The following CDH12 variants were observed in gnomAD, a reference collection of about 807,000 sequenced individuals.
CDH12 encodes cadherin-12.
In CDH12, 41 loss-of-function variants were observed where a neutral mutation model predicts 74.1. The observed-to-expected ratio is 0.55, with a 90% CI of 0.43 to 0.72. The LOEUF (loss-of-function observed/expected upper bound fraction) is 0.72. Among genes scored for constraint, CDH12 ranks in the 30% least tolerant of loss-of-function variants. The probability of loss-of-function intolerance (pLI) is 0.00; values close to 1 mark genes in which losing one functional copy is unlikely to be tolerated. For synonymous variants in CDH12, 399 were observed against 355.0 expected (o/e 1.12, Z -1.39); for missense variants, 945 against 977.2 (o/e 0.97, Z 0.44).
At chr5:22,500,974 C>T (rs1747307900) in intron 2 of CDH12, among the ~76,000 whole-genome samples, 1 of 151,482 alleles carries the variant, frequency 6.6e-6, no homozygotes, top group Non-Finnish European at 1.5e-5. Context: ...TGCTTCTGTA[C>T]TAAGGGCATT....
At chr5:21,778,817 T>C (rs1745746750) in intron 11 of CDH12, among the ~76,000 whole-genome samples, 1 of 152,150 alleles carries the variant, frequency 6.6e-6, no homozygotes, top group African/African-American at 2.4e-5. Context: ...AAAAAATGCA[T>C]GAATTTATGT....
intron 6 of CDH12, among the ~76,000 whole-genome samples, chr5:21,950,101 G>A (rs1755781737): frequency 6.6e-6 from 1 of 151,582 alleles, no homozygotes; most frequent in Non-Finnish European, 1.5e-5. Context: ...TTTTTTTTAT[G>A]TTTAGATACA....
chr5:22,288,456 C>T (rs1409108761), intron 3 of CDH12, among the ~76,000 whole-genome samples: 1 of 152,096 alleles, frequency 6.6e-6, no homozygotes, highest in African/African-American at 2.4e-5. Flanking sequence ...GTTTATGTTT[C>T]TACATATGTG....
chr5:22,564,925 T>C (rs1739220213), intron 1 of CDH12, among the ~76,000 whole-genome samples: 1 of 152,112 alleles, frequency 6.6e-6, no homozygotes, highest in African/African-American at 2.4e-5. Context: ...ACTGATTACC[T>C]TTTTTTCTTT....
At chr5:22,447,913 G>C (rs560963313) in intron 2 of CDH12, among the ~76,000 whole-genome samples, 1 of 149,120 alleles carries the variant, frequency 6.7e-6, no homozygotes, top group Admixed American at 6.8e-5. Context: ...GGGCCAAAGC[G>C]GGAGTATCAC....
chr5:22,726,563 A>G (rs757662984), intron 1 of CDH12, among the ~76,000 whole-genome samples: 24 of 151,938 alleles, frequency 1.6e-4, no homozygotes, highest in Non-Finnish European at 3.1e-4. Context: ...CTGTGTCATA[A>G]TGTATTTCCT....
chr5:22,486,285 A>G (rs1746591298), intron 2 of CDH12, among the ~76,000 whole-genome samples: 1 of 152,160 alleles, frequency 6.6e-6, no homozygotes, highest in African/African-American at 2.4e-5. Context: ...CCTAGATATA[A>G]AAGTCACCAC....
chr5:22,311,602 T>C (rs1008339784), intron 3 of CDH12, among the ~76,000 whole-genome samples: 5 of 150,430 alleles, frequency 3.3e-5, no homozygotes, highest in African/African-American at 1.2e-4. Flanking sequence ...CTCAGGAGGC[T>C]GAGGGCAGGA....
At chr5:22,775,720 T>A (rs757219586) in intron 1 of CDH12, among the ~76,000 whole-genome samples, 2 of 152,118 alleles carry the variant, frequency 1.3e-5, no homozygotes, top group African/African-American at 2.4e-5. Context: ...ACATGTACTA[T>A]GAATTACATA....
Position 21,975,209 on chromosome 5 carries a change from G to C in CDH12, c.408C>G (p.Thr136=), listed in dbSNP as rs773701288. The C allele has an allele frequency of 1.9e-6, 3 of 1,597,020 alleles. No homozygotes were observed. The East Asian group carries it at 6.7e-5, about 36-fold the overall frequency. The change falls in exon 6 of 15, where the codon ACC becomes ACG. Residue 136 remains threonine (T), a synonymous_variant. Coordinates refer to ENST00000382254, the MANE Select transcript of CDH12 (RefSeq NM_004061.5). ...CTGATTCAGGCTCCAGGGGCTTTCT[G>C]GTTTCTATGTCCACAGCCTGAGCAC... ...TLRAQAVDIE[T]RKPLEPESEF...
intron 1 of CDH12, among the ~76,000 whole-genome samples, chr5:22,749,370 G>A (rs1021469745): frequency 7.2e-5 from 11 of 152,124 alleles, no homozygotes; most frequent in Non-Finnish European, 1.5e-4. Flanking sequence ...ACTAAGGTGG[G>A]GCAACATTTT....
intron 1 of CDH12, among the ~76,000 whole-genome samples, chr5:22,664,242 G>A (rs1740493497): frequency 6.6e-6 from 1 of 152,142 alleles, no homozygotes; most frequent in Non-Finnish European, 1.5e-5. Context: ...TCTGAATACT[G>A]TTATACAGAA....
intron 2 of CDH12, among the ~76,000 whole-genome samples, chr5:22,424,592 G>A (rs999326196): frequency 6.6e-6 from 1 of 152,172 alleles, no homozygotes; most frequent in Non-Finnish European, 1.5e-5. Context: ...ATTTAATTGT[G>A]CAGGCTTTGT....
chr5:21,812,966 T>A (rs948901418), intron 9 of CDH12, among the ~76,000 whole-genome samples: 10 of 152,200 alleles, frequency 6.6e-5, no homozygotes, highest in Admixed American at 6.5e-4. Flanking sequence ...TTGGTGTAAT[T>A]TACCAGATGA....
At chr5:22,326,957 A>C (rs1739136565) in intron 3 of CDH12, among the ~76,000 whole-genome samples, 1 of 152,216 alleles carries the variant, frequency 6.6e-6, no homozygotes, top group African/African-American at 2.4e-5. Context: ...ATATTGCTCA[A>C]GAAATCTTAC....
At chr5:22,002,513 C>T (rs556835157) in intron 5 of CDH12, among the ~76,000 whole-genome samples, 73 of 152,078 alleles carry the variant, frequency 4.8e-4, no homozygotes, top group African/African-American at 1.6e-3. Flanking sequence ...ATTTATTCTC[C>T]ATATCCCTTC....
chr5:22,048,186 G>A (rs1286830977), intron 5 of CDH12, among the ~76,000 whole-genome samples: 1 of 152,128 alleles, frequency 6.6e-6, no homozygotes, highest in East Asian at 1.9e-4. Flanking sequence ...ATAAGACTGT[G>A]AGGATGAAAA....
chr5:22,840,750 A>C (rs556024984), intron 1 of CDH12, among the ~76,000 whole-genome samples: 1 of 152,286 alleles, frequency 6.6e-6, no homozygotes, highest in East Asian at 1.9e-4. Context: ...GACCAGGATA[A>C]GGAAATTGTA....
intron 2 of CDH12, among the ~76,000 whole-genome samples, chr5:22,486,680 T>G (rs985854981): frequency 3.9e-5 from 6 of 152,068 alleles, no homozygotes; most frequent in Non-Finnish European, 7.4e-5. Context: ...TCTTGAACTC[T>G]GACCTCAGGT....
Sources: allele counts gnomAD v4.1 joint callset (sites outside exome capture counted in the v4.1 genomes callset), GRCh38; gene constraint gnomAD v4.1.1; transcripts MANE v1.5; gene names NCBI Gene and HGNC (gene_info 2026-07-23, HGNC 2026-07-21).